The following SMYD3 variants were observed in gnomAD, a reference collection of about 807,000 sequenced individuals.
The protein encoded by SMYD3 is SET and MYND domain containing 3, also known as histone-lysine N-methyltransferase SMYD3.
Under a neutral mutation model 57.7 loss-of-function variants are expected in SMYD3, and 36 were observed. The ratio of observed to expected loss-of-function variants is 0.62; its 90% CI spans 0.48 to 0.82. The LOEUF is 0.82. SMYD3 is among the 40% of genes least tolerant of loss of function. SMYD3 has a pLI of 0.00. For missense variants in SMYD3, 515 were observed against 538.8 expected, an observed-to-expected ratio of 0.96 and a Z score of 0.44; for synonymous variants, 211 against 195.0, an observed-to-expected ratio of 1.08 and a Z score of -0.68.
At chr1:246,379,425 T>TATTAATATATTAAACAGC in intron 1 of SMYD3, among the ~76,000 whole-genome samples, 1 of 152,284 alleles carries the variant, frequency 6.6e-6, no homozygotes, top group African/African-American at 2.4e-5. Context: ...GATTAAACAA[T>TATTAATATATTAAACAGC]ACTAATATAT....
intron 8 of SMYD3, among the ~76,000 whole-genome samples, chr1:245,874,788 A>G (rs1380285676): frequency 6.6e-6 from 1 of 152,254 alleles, no homozygotes; most frequent in Non-Finnish European, 1.5e-5. Flanking sequence ...ACAAAAAAAG[A>G]AAAGTCTGTA....
chr1:246,015,100 T>A (rs2059355938), intron 5 of SMYD3, among the ~76,000 whole-genome samples: 1 of 152,110 alleles, frequency 6.6e-6, no homozygotes, highest in Non-Finnish European at 1.5e-5. Context: ...CCTACCCCGT[T>A]AAAATCATCC....
intron 1 of SMYD3, among the ~76,000 whole-genome samples, chr1:246,363,953 AAG>A (rs959600768): frequency 2.0e-5 from 3 of 152,190 alleles, no homozygotes; most frequent in Non-Finnish European, 4.4e-5. Context: ...AAAAGAAAAA[AAG>A]AGAGAGAGGC....
chr1:246,084,003 C>A (rs575137206), intron 5 of SMYD3, among the ~76,000 whole-genome samples: 15 of 152,062 alleles, frequency 9.9e-5, no homozygotes, highest in East Asian at 3.9e-4. Context: ...CAGGCCCACC[C>A]AAGGATTTTT....
At chr1:246,269,707 C>T (rs2064182546) in intron 5 of SMYD3, among the ~76,000 whole-genome samples, 3 of 152,006 alleles carry the variant, frequency 2.0e-5, no homozygotes, top group African/African-American at 7.3e-5. Context: ...GCCGGGACTA[C>T]AGGCACATGC....
intron 10 of SMYD3, among the ~76,000 whole-genome samples, chr1:245,783,956 C>T (rs757539010): frequency 1.3e-5 from 2 of 152,204 alleles, no homozygotes; most frequent in Non-Finnish European, 2.9e-5. Context: ...GTTGTCAATT[C>T]TCTCCAAATT....
chr1:246,200,233 C>T (rs977269615), intron 5 of SMYD3, among the ~76,000 whole-genome samples: 18 of 151,802 alleles, frequency 1.2e-4, no homozygotes, highest in African/African-American at 4.1e-4. Context: ...CAAGAATGTA[C>T]ACAGATGCCC....
intron 1 of SMYD3, among the ~76,000 whole-genome samples, chr1:246,404,336 G>A (rs192737147): frequency 2.3e-4 from 35 of 152,242 alleles, no homozygotes; most frequent in Admixed American, 8.5e-4. Flanking sequence ...AACATATGCC[G>A]CAATAATTAG....
At chr1:246,366,348 CA>C (rs1006331339) in intron 1 of SMYD3, among the ~76,000 whole-genome samples, 1 of 151,538 alleles carries the variant, frequency 6.6e-6, no homozygotes, top group Non-Finnish European at 1.5e-5. Flanking sequence ...TTCTTACTTT[CA>C]AAAAAAAGGC....
chr1:246,444,577 G>C (rs982497641), intron 1 of SMYD3, among the ~76,000 whole-genome samples: 10 of 152,308 alleles, frequency 6.6e-5, no homozygotes, highest in Admixed American at 5.9e-4. Flanking sequence ...TGAATGGAGA[G>C]GTAGGAAGGA....
At chr1:245,993,097 T>C (rs1251548949) in intron 5 of SMYD3, among the ~76,000 whole-genome samples, 1 of 152,246 alleles carries the variant, frequency 6.6e-6, no homozygotes, top group Non-Finnish European at 1.5e-5. Flanking sequence ...CTGCTGCTTC[T>C]GCACTCAACG....
intron 5 of SMYD3, among the ~76,000 whole-genome samples, chr1:245,938,946 G>C (rs2057099791): frequency 6.6e-6 from 1 of 152,002 alleles, no homozygotes; most frequent in East Asian, 1.9e-4. Flanking sequence ...AGGAGTTCAA[G>C]ACCACCCTGG....
intron 5 of SMYD3, among the ~76,000 whole-genome samples, chr1:246,004,156 A>G (rs1413580258): frequency 2.6e-5 from 4 of 152,268 alleles, no homozygotes; most frequent in African/African-American, 9.6e-5. Context: ...AATGGCCAGC[A>G]CAGTGCTAAC....
chr1:246,461,449 C>A (rs188395457), intron 1 of SMYD3, among the ~76,000 whole-genome samples: 19 of 151,950 alleles, frequency 1.3e-4, no homozygotes, highest in Admixed American at 1.2e-3. Context: ...AATTTTAGTG[C>A]CAAAAATAAT....
At chr1:246,451,666 G>T (rs976383605) in intron 1 of SMYD3, among the ~76,000 whole-genome samples, 1 of 152,220 alleles carries the variant, frequency 6.6e-6, no homozygotes, top group Non-Finnish European at 1.5e-5. Context: ...GAAGGTGATC[G>T]GTTGCAACAA....
At chr1:245,863,937 G>C in intron 8 of SMYD3, 51 bp from the exon 9 acceptor site, 5 of 1,540,152 alleles carry the variant, frequency 3.2e-6, no homozygotes, top group Non-Finnish European at 4.5e-6. Flanking sequence ...AATAGGCAAA[G>C]GACGTGAATA....
chr1:246,229,770 T>C (rs1460138314), intron 5 of SMYD3, among the ~76,000 whole-genome samples: 1 of 152,208 alleles, frequency 6.6e-6, no homozygotes, highest in Non-Finnish European at 1.5e-5. Flanking sequence ...CATCACTTCT[T>C]AAAGTTTCCA....
intron 10 of SMYD3, among the ~76,000 whole-genome samples, chr1:245,787,389 C>T (rs930393307): frequency 1.2e-4 from 18 of 152,128 alleles, no homozygotes; most frequent in East Asian, 9.7e-4. Context: ...TCAGACCTAG[C>T]GCTGGACCAG....
intron 2 of SMYD3, among the ~76,000 whole-genome samples, chr1:246,342,717 A>T (rs1270827927): frequency 6.6e-6 from 1 of 152,198 alleles, no homozygotes; most frequent in African/African-American, 2.4e-5. Flanking sequence ...GCTAAATATA[A>T]AGAAGGAATG....
Sources: allele counts gnomAD v4.1 joint callset (sites outside exome capture counted in the v4.1 genomes callset), GRCh38; gene constraint gnomAD v4.1.1; transcripts MANE v1.5; gene names NCBI Gene and HGNC (gene_info 2026-07-23, HGNC 2026-07-21).